SCAI: variants seen among roughly 807,000 people sequenced by gnomAD.
SCAI encodes protein SCAI.
Under a neutral mutation model 92.2 loss-of-function variants are expected in SCAI, and 24 were observed. The observed-to-expected ratio is 0.26, with a 90% CI of 0.19 to 0.37. SCAI has a LOEUF of 0.37. Ranked by LOEUF, SCAI falls within the 10% of genes least tolerant of loss-of-function variation. The pLI, the probability that SCAI is intolerant of heterozygous loss-of-function variation, is 1.00. For missense variants in SCAI, 450 were observed against 736.2 expected, an observed-to-expected ratio of 0.61 and a Z score of 4.50; for synonymous variants, 261 against 258.6, an observed-to-expected ratio of 1.01 and a Z score of -0.09.
intron 2 of SCAI, among the ~76,000 whole-genome samples, chr9:125,139,411 C>A (rs1216334682): frequency 2.1e-5 from 3 of 143,932 alleles, no homozygotes; most frequent in Non-Finnish European, 4.5e-5. Context: ...CTTTAAAAAA[C>A]AACAACAACA....
intron 14 of SCAI, among the ~76,000 whole-genome samples, chr9:124,984,804 C>T (rs770562193): frequency 9.2e-5 from 14 of 152,066 alleles, no homozygotes; most frequent in Non-Finnish European, 1.9e-4. Flanking sequence ...GTTGTCAACA[C>T]AGAAACAGCA....
chr9:125,117,761 G>A (rs1835077695), intron 2 of SCAI, among the ~76,000 whole-genome samples: 1 of 151,806 alleles, frequency 6.6e-6, no homozygotes, highest in African/African-American at 2.4e-5. Flanking sequence ...TATTTTATGG[G>A]ACTTCAATAA....
chr9:125,037,425 A>G (rs1336702620), intron 3 of SCAI, among the ~76,000 whole-genome samples: 1 of 152,042 alleles, frequency 6.6e-6, no homozygotes, highest in South Asian at 2.1e-4. Context: ...AAAAAAAAGA[A>G]AAGAAAAGAA....
intron 2 of SCAI, among the ~76,000 whole-genome samples, chr9:125,080,046 C>CAA (rs149972632): frequency 1.3e-5 from 2 of 149,158 alleles, no homozygotes; most frequent in African/African-American, 4.9e-5. Context: ...GGGAAGTTAT[C>CAA]AAAAAAAAAG....
chr9:125,074,347 C>T (rs1476953592), intron 2 of SCAI, among the ~76,000 whole-genome samples: 3 of 151,262 alleles, frequency 2.0e-5, no homozygotes, highest in Non-Finnish European at 4.4e-5. Flanking sequence ...ACCCCCACCT[C>T]CCAGGTTCAA....
At position 124,994,976 on chromosome 9, in the gene SCAI, T is replaced by G; in HGVS notation, c.1284A>C (p.Pro428=). The change falls in exon 14 of 18, where the codon CCA becomes CCC. Residue 428 remains proline (P), a synonymous_variant. Transcript: ENST00000336505. ...PGDLYPFTRK[P]LFIIVDSSNS... ...TAGACGAATCCACAATGATGAACAG[T>G]GGCTTCCTGGTGAAAGGATAGAGAT... The G allele has an allele frequency of 3.1e-6, 5 of 1,612,904 alleles. No homozygotes were observed. Among genetic ancestry groups the G allele is most frequent in the Non-Finnish European group, 4.2e-6 (5 of 1,179,624 alleles).
intron 2 of SCAI, among the ~76,000 whole-genome samples, chr9:125,095,781 G>A (rs546033118): frequency 2.6e-5 from 4 of 152,160 alleles, no homozygotes; most frequent in African/African-American, 9.7e-5. Context: ...CAATAAGCTA[G>A]TGATGAGAGA....
intron 2 of SCAI, among the ~76,000 whole-genome samples, chr9:125,058,189 T>C (rs1445890734): frequency 1.3e-5 from 2 of 151,394 alleles, no homozygotes; most frequent in South Asian, 2.1e-4. Context: ...GATGCAAATA[T>C]GGAAATGGAA....
At chr9:125,001,926 C>G (rs1222495201) in intron 12 of SCAI, 39 bp downstream of exon 12, 1 of 1,392,390 alleles carries the variant, frequency 7.2e-7, no homozygotes, top group South Asian at 1.2e-5. Flanking sequence ...AAAGAGAATT[C>G]AAGCCCTGCT....
chr9:125,129,865 G>A (rs1280479213), intron 2 of SCAI, among the ~76,000 whole-genome samples: 1 of 151,736 alleles, frequency 6.6e-6, no homozygotes, highest in African/African-American at 2.4e-5. Flanking sequence ...TTTAATGAAA[G>A]TTCACATCAC....
chr9:124,981,417 A>T (rs1831883847), intron 14 of SCAI, among the ~76,000 whole-genome samples: 1 of 152,222 alleles, frequency 6.6e-6, no homozygotes, highest in Non-Finnish European at 1.5e-5. Context: ...TAGTTGGGAC[A>T]AAAGTAATAG....
chr9:125,070,163 T>C (rs1833953931), intron 2 of SCAI, among the ~76,000 whole-genome samples: 2 of 151,974 alleles, frequency 1.3e-5, no homozygotes, highest in South Asian at 4.2e-4. Flanking sequence ...AATTGAAAAA[T>C]ACCAAGTACA....
intron 15 of SCAI, among the ~76,000 whole-genome samples, chr9:124,973,066 T>TC (rs1477622499): frequency 6.6e-6 from 1 of 152,208 alleles, no homozygotes; most frequent in Non-Finnish European, 1.5e-5. Flanking sequence ...TAATGAGATG[T>TC]CCTGGGGACA....
intron 9 of SCAI, among the ~76,000 whole-genome samples, chr9:125,014,893 CT>C (rs1832719252): frequency 6.6e-6 from 1 of 152,172 alleles, no homozygotes; most frequent in Admixed American, 6.5e-5. Context: ...CTACAACTAT[CT>C]GATCTTTGAC....
intron 2 of SCAI, among the ~76,000 whole-genome samples, chr9:125,109,480 T>C (rs1834888877): frequency 6.6e-6 from 1 of 152,036 alleles, no homozygotes; most frequent in African/African-American, 2.4e-5. Flanking sequence ...AAAAAATGAG[T>C]AAATAATTTA....
chr9:125,018,415 G>A (rs951975623), intron 9 of SCAI, among the ~76,000 whole-genome samples: 1 of 152,088 alleles, frequency 6.6e-6, no homozygotes, highest in Non-Finnish European at 1.5e-5. Flanking sequence ...GGAAACTTTA[G>A]AATGTTGTAA....
intron 2 of SCAI, among the ~76,000 whole-genome samples, chr9:125,082,989 G>A (rs1044586036): frequency 1.3e-5 from 2 of 152,176 alleles, no homozygotes; most frequent in African/African-American, 2.4e-5. Flanking sequence ...TTTGAAATGT[G>A]AAGACATGAG....
chr9:125,125,907 C>T (rs1220488614), intron 2 of SCAI, among the ~76,000 whole-genome samples: 6 of 96,084 alleles, frequency 6.2e-5, no homozygotes, highest in African/African-American at 2.1e-4. Flanking sequence ...CGTGCGTACA[C>T]GTACACACAC....
chr9:125,081,596 G>C (rs1271533481), intron 2 of SCAI, among the ~76,000 whole-genome samples: 1 of 152,168 alleles, frequency 6.6e-6, no homozygotes, highest in East Asian at 1.9e-4. Flanking sequence ...GTTTGGAGAT[G>C]TAGTTTTGCT....
Sources: gnomAD v4.1 joint callset for allele counts (sites outside exome capture counted in the v4.1 genomes callset) on GRCh38, gnomAD v4.1.1 for gene constraint, MANE v1.5 for transcripts, NCBI Gene and HGNC (gene_info 2026-07-23, HGNC 2026-07-21) for gene names.